COP1: variants seen among roughly 807,000 people sequenced by gnomAD.
COP1 encodes COP1 E3 ubiquitin ligase, also known as E3 ubiquitin-protein ligase COP1.
Under a neutral mutation model 101.3 loss-of-function variants are expected in COP1, and 24 were observed. That is an observed-to-expected ratio of 0.24 (90% confidence interval 0.17 to 0.33). The LOEUF is 0.33. Among genes scored for constraint, COP1 ranks in the 10% least tolerant of loss-of-function variants. The pLI is 1.00. For synonymous variants in COP1, 347 were observed against 341.9 expected (o/e 1.01, Z -0.17); for missense variants, 663 against 906.2 (o/e 0.73, Z 3.45).
At chr1:175,992,256 G>T (rs753744247) in intron 15 of COP1, among the ~76,000 whole-genome samples, 129 of 152,038 alleles carry the variant, frequency 8.5e-4, no homozygotes, top group Middle Eastern at 3.4e-3. Flanking sequence ...AATGTACAAT[G>T]GGAGGTGGAG....
At chr1:175,971,120 CAAT>C (rs1482827206) in intron 18 of COP1, among the ~76,000 whole-genome samples, 2 of 152,106 alleles carry the variant, frequency 1.3e-5, no homozygotes, top group Non-Finnish European at 2.9e-5. Context: ...AGAGATGCAA[CAAT>C]AATGATTCTG....
At chr1:175,960,255 T>G (rs981025472) in intron 18 of COP1, among the ~76,000 whole-genome samples, 1 of 152,178 alleles carries the variant, frequency 6.6e-6, no homozygotes, top group Non-Finnish European at 1.5e-5. Flanking sequence ...CTGAAAGATT[T>G]CAATTCAAAG....
At chr1:176,158,346 AAG>A (rs1693788573) in intron 5 of COP1, among the ~76,000 whole-genome samples, 1 of 152,188 alleles carries the variant, frequency 6.6e-6, no homozygotes, top group Admixed American at 6.5e-5. Flanking sequence ...AGACATATAA[AAG>A]AAATAATTCG....
At chr1:176,071,677 G>A (rs903076258) in intron 11 of COP1, among the ~76,000 whole-genome samples, 1 of 152,160 alleles carries the variant, frequency 6.6e-6, no homozygotes, top group African/African-American at 2.4e-5. Context: ...CCTGAGGAAG[G>A]TTATTCTACC....
intron 5 of COP1, among the ~76,000 whole-genome samples, chr1:176,161,660 C>T (rs1341371136): frequency 1.3e-5 from 2 of 152,044 alleles, no homozygotes; most frequent in Non-Finnish European, 2.9e-5. Flanking sequence ...ACCTGCTTTA[C>T]TGATTTAGTT....
intron 18 of COP1, among the ~76,000 whole-genome samples, chr1:175,971,240 G>C (rs1302589275): frequency 6.6e-6 from 1 of 151,846 alleles, no homozygotes. Flanking sequence ...TTTTTTTGTT[G>C]TACAGAACAT....
chr1:176,114,262 G>T (rs541815867), intron 9 of COP1, among the ~76,000 whole-genome samples: 5 of 151,862 alleles, frequency 3.3e-5, no homozygotes, highest in African/African-American at 1.2e-4. Context: ...TTTCATGACC[G>T]TTCAGAAACA....
chr1:176,140,499 G>C (rs1271826597), intron 6 of COP1, among the ~76,000 whole-genome samples: 7 of 152,160 alleles, frequency 4.6e-5, no homozygotes, highest in Non-Finnish European at 1.0e-4. Context: ...GAATTCTGAA[G>C]GGATTTGGAG....
chr1:176,168,017 G>A (rs942518442), intron 3 of COP1, among the ~76,000 whole-genome samples: 2 of 151,686 alleles, frequency 1.3e-5, no homozygotes, highest in African/African-American at 2.4e-5. Flanking sequence ...TTTATTAGTG[G>A]TTAAGAGGAT....
Position 175,998,063 on chromosome 1 carries a change from T to TAAAAAAAAAAAA in COP1, c.1730-8596_1730-8585dup, listed in dbSNP as rs57110017. Reference sequence around the variant, plus strand: ...TGTACCCTAAAACTTAGAGTATAATTAAAAAAAAAAAAAAAAAAAAAAAAA... The same window carrying TAAAAAAAAAAAA: ...TGTACCCTAAAACTTAGAGTATAATTAAAAAAAAAAAAAAAAAAAAAAAAAAAAAAAAAAAAA... On this transcript the variant is annotated intron_variant, in intron 15 of 19. Transcript: ENST00000367669. Among the ~76,000 whole-genome samples the TAAAAAAAAAAAA allele has an allele frequency of 9.9e-4, 66 of 66,816 alleles. 1 individual carries two copies. The highest frequency in any genetic ancestry group is 4.3e-3 in the African/African-American group (54 of 12,700). The allele number at this position is 66,816 out of a possible 152,430, so 43.8% of individuals were successfully genotyped here. A position where few individuals can be genotyped will look rare whatever the true frequency, so the allele number is the denominator to read the frequency against.
At chr1:176,092,200 T>C (rs1396869906) in intron 9 of COP1, among the ~76,000 whole-genome samples, 1 of 152,098 alleles carries the variant, frequency 6.6e-6, no homozygotes, top group Non-Finnish European at 1.5e-5. Flanking sequence ...AAATATAAAA[T>C]TTGATATAAT....
intron 9 of COP1, among the ~76,000 whole-genome samples, chr1:176,112,023 T>C (rs1685377666): frequency 6.6e-6 from 1 of 152,228 alleles, no homozygotes; most frequent in Non-Finnish European, 1.5e-5. Context: ...AATCAGAGAT[T>C]AGTCAGCTCT....
At chr1:175,955,801 C>CACACACACACA (rs1553275345) in intron 18 of COP1, among the ~76,000 whole-genome samples, 1 of 150,972 alleles carries the variant, frequency 6.6e-6, no homozygotes, top group South Asian at 2.1e-4. Context: ...CACACACACA[C>CACACACACACA]GGCCTACATA....
chr1:176,166,450 A>G (rs539976655), intron 3 of COP1, among the ~76,000 whole-genome samples: 12 of 152,224 alleles, frequency 7.9e-5, no homozygotes, highest in Non-Finnish European at 1.6e-4. Context: ...TGTAAAGGCC[A>G]CAAAATTAAA....
rs146923134 is a variant in COP1 at position 176,169,551 on chromosome 1, C to T, written c.566-5660G>A. 3.1e-3 allele frequency among the ~76,000 whole-genome samples: 475 copies of T among 152,174 alleles called. 4 individuals are homozygous for T. The highest frequency in any genetic ancestry group is 0.011 in the African/African-American group (444 of 41,512). Reference sequence around the variant, plus strand: ...CCAATATACATAAAAGTTCTGTTTACGCTATACCGTAGTTTAAGTATTATG... The same window carrying T: ...CCAATATACATAAAAGTTCTGTTTATGCTATACCGTAGTTTAAGTATTATG... On this transcript the variant is annotated intron_variant, in intron 3 of 19. Transcript: ENST00000367669.
intron 9 of COP1, among the ~76,000 whole-genome samples, chr1:176,094,673 TA>T (rs397965708): frequency 0.029 from 3,825 of 133,838 alleles, 44 homozygotes; most frequent in Non-Finnish European, 0.04. Context: ...TGGAAAAAGT[TA>T]AAAAAAAAAA....
At chr1:176,170,908 G>A (rs375473758) in intron 3 of COP1, among the ~76,000 whole-genome samples, 8 of 151,910 alleles carry the variant, frequency 5.3e-5, no homozygotes, top group African/African-American at 1.9e-4. Context: ...GGTGGATCAC[G>A]AGGTCAGGAG....
chr1:176,041,793 C>T (rs1670587487), intron 14 of COP1, among the ~76,000 whole-genome samples: 1 of 152,052 alleles, frequency 6.6e-6, no homozygotes, highest in Non-Finnish European at 1.5e-5. Context: ...CGGTGAAACC[C>T]CATCTCTACT....
intron 9 of COP1, among the ~76,000 whole-genome samples, chr1:176,087,998 C>T (rs902604255): frequency 1.3e-5 from 2 of 152,082 alleles, no homozygotes; most frequent in African/African-American, 4.8e-5. Context: ...AGCAAACTAT[C>T]GCAGGATAGA....
Sources: gnomAD v4.1 joint callset for allele counts (sites outside exome capture counted in the v4.1 genomes callset) on GRCh38, gnomAD v4.1.1 for gene constraint, MANE v1.5 for transcripts, NCBI Gene and HGNC (gene_info 2026-07-23, HGNC 2026-07-21) for gene names.